Variants in RANBP17 observed in about 807,000 individuals in gnomAD.
RANBP17 encodes RAN binding protein 17, also known as ran-binding protein 17.
In RANBP17, 158 loss-of-function variants were observed where a neutral mutation model predicts 141.2. The ratio of observed to expected loss-of-function variants is 1.12; its 90% CI spans 0.98 to 1.28. RANBP17 has a LOEUF of 1.28. Among genes scored for constraint, RANBP17 ranks in the 50% most tolerant of loss-of-function variants. RANBP17 has a pLI of 0.00. For missense variants in RANBP17, 1,438 were observed against 1,290.7 expected (o/e 1.11, Z -1.75); for synonymous variants, 430 against 450.0 (o/e 0.96, Z 0.56).
intron 14 of RANBP17, among the ~76,000 whole-genome samples, chr5:171,077,479 A>G (rs1785004992): frequency 6.6e-6 from 1 of 152,200 alleles, no homozygotes; most frequent in African/African-American, 2.4e-5. Context: ...ACAGAACAAG[A>G]CAGGTTGTTC....
At chr5:171,197,784 A>C (rs1471603648) in intron 18 of RANBP17, among the ~76,000 whole-genome samples, 2 of 152,118 alleles carry the variant, frequency 1.3e-5, no homozygotes, top group Non-Finnish European at 2.9e-5. Flanking sequence ...CACATCTGTA[A>C]TCCCAGCAAT....
chr5:171,035,724 T>A (rs1486137470), intron 14 of RANBP17, among the ~76,000 whole-genome samples: 2 of 145,384 alleles, frequency 1.4e-5, no homozygotes, highest in African/African-American at 5.5e-5. Flanking sequence ...TTGCACTGTT[T>A]GTTTCTTTTT....
chr5:170,864,978 C>T (rs966140490), intron 1 of RANBP17, among the ~76,000 whole-genome samples: 3 of 152,162 alleles, frequency 2.0e-5, no homozygotes, highest in African/African-American at 7.2e-5. Context: ...ATGGCAGGCA[C>T]TGGATTAGGC....
chr5:171,163,090 T>C (rs1406933499), intron 14 of RANBP17, among the ~76,000 whole-genome samples: 1 of 152,214 alleles, frequency 6.6e-6, no homozygotes, highest in Non-Finnish European at 1.5e-5. Context: ...TTCAACTGAA[T>C]GAGGCAAGCA....
chr5:171,022,381 AC>A (rs1581422906), intron 14 of RANBP17, among the ~76,000 whole-genome samples: 1 of 152,194 alleles, frequency 6.6e-6, no homozygotes, highest in African/African-American at 2.4e-5. Context: ...ATTCCTCAGA[AC>A]TACGAGGAGG....
At chr5:171,046,798 T>G (rs1782617437) in intron 14 of RANBP17, among the ~76,000 whole-genome samples, 2 of 152,244 alleles carry the variant, frequency 1.3e-5, no homozygotes, top group Admixed American at 1.3e-4. Flanking sequence ...TCAATGTCAT[T>G]TGTAATCTTT....
intron 14 of RANBP17, among the ~76,000 whole-genome samples, chr5:171,028,358 A>T (rs1581437524): frequency 6.6e-6 from 1 of 152,140 alleles, no homozygotes; most frequent in East Asian, 1.9e-4. Flanking sequence ...TTTTTATACC[A>T]GTGGAAAACC....
intron 11 of RANBP17, among the ~76,000 whole-genome samples, chr5:170,920,812 C>T (rs1466263861): frequency 6.6e-6 from 1 of 152,150 alleles, no homozygotes; most frequent in Non-Finnish European, 1.5e-5. Flanking sequence ...GATGGTATCT[C>T]ATTGTGGTCT....
chr5:171,125,104 G>A (rs1186720573), intron 14 of RANBP17, among the ~76,000 whole-genome samples: 1 of 152,046 alleles, frequency 6.6e-6, no homozygotes, highest in African/African-American at 2.4e-5. Context: ...AAACCAGCCT[G>A]GTCAACATGG....
At chr5:170,954,809 T>G in intron 13 of RANBP17, among the ~76,000 whole-genome samples, 1 of 152,180 alleles carries the variant, frequency 6.6e-6, no homozygotes, top group East Asian at 1.9e-4. Context: ...TTTTAAAGAC[T>G]TTCAATACTC....
chr5:171,183,080 G>C, intron 16 of RANBP17, 87 bp from the exon 17 acceptor site: 3 of 682,108 alleles, frequency 4.4e-6, no homozygotes, highest in Non-Finnish European at 5.1e-6. Flanking sequence ...AGTAGAAATT[G>C]ATGCCACTAC....
chr5:171,142,298 T>C (rs966706910), intron 14 of RANBP17, among the ~76,000 whole-genome samples: 1 of 152,292 alleles, frequency 6.6e-6, no homozygotes, highest in Non-Finnish European at 1.5e-5. Flanking sequence ...TCTGCCAAAA[T>C]GTAGTTTCAA....
At chr5:171,198,283 T>C (rs911801470) in intron 18 of RANBP17, among the ~76,000 whole-genome samples, 2 of 152,216 alleles carry the variant, frequency 1.3e-5, no homozygotes, top group African/African-American at 4.8e-5. Flanking sequence ...TACTCTTTAC[T>C]CAGGATACTG....
chr5:171,254,569 G>C (rs1765771817), intron 24 of RANBP17, among the ~76,000 whole-genome samples: 1 of 152,078 alleles, frequency 6.6e-6, no homozygotes, highest in African/African-American at 2.4e-5. Flanking sequence ...AATCTTACTG[G>C]AAGGGTGTTC....
intron 5 of RANBP17, chr5:170,896,811 CAG>C: frequency 2.4e-6 from 1 of 416,484 alleles, no homozygotes; most frequent in Admixed American, 3.7e-5. Flanking sequence ...CCCTGGGTGA[CAG>C]AGCAAGACTC....
chr5:171,033,791 C>T (rs1391151307), intron 14 of RANBP17, among the ~76,000 whole-genome samples: 1 of 152,008 alleles, frequency 6.6e-6, no homozygotes, highest in Non-Finnish European at 1.5e-5. Context: ...GTGTAAAGCC[C>T]AGGGTACTGA....
intron 14 of RANBP17, among the ~76,000 whole-genome samples, chr5:171,016,538 TTTG>T (rs1237555526): frequency 6.6e-6 from 1 of 152,080 alleles, no homozygotes; most frequent in Non-Finnish European, 1.5e-5. Context: ...TATATATATT[TTTG>T]TTGTTGTTAT....
intron 14 of RANBP17, among the ~76,000 whole-genome samples, chr5:171,102,473 T>C (rs1787241006): frequency 6.6e-6 from 1 of 152,132 alleles, no homozygotes; most frequent in African/African-American, 2.4e-5. Flanking sequence ...CTAATCTAGT[T>C]ATTCTAGTTA....
At chr5:170,890,513 A>G (rs1025529862) in intron 3 of RANBP17, among the ~76,000 whole-genome samples, 2 of 152,164 alleles carry the variant, frequency 1.3e-5, no homozygotes, top group African/African-American at 2.4e-5. Flanking sequence ...TCTTACTACA[A>G]TTATCAAGAA....
Sources: gnomAD v4.1 joint callset for allele counts (sites outside exome capture counted in the v4.1 genomes callset) on GRCh38, gnomAD v4.1.1 for gene constraint, MANE v1.5 for transcripts, NCBI Gene and HGNC (gene_info 2026-07-23, HGNC 2026-07-21) for gene names.